IDH2: variants seen among roughly 807,000 people sequenced by gnomAD.
The protein encoded by IDH2 is isocitrate dehydrogenase [NADP], mitochondrial.
IDH2 carries 18 observed loss-of-function variants against 50.5 expected under a neutral mutation model. The ratio of observed to expected loss-of-function variants is 0.36; its 90% confidence interval spans 0.25 to 0.53. The LOEUF (loss-of-function observed/expected upper bound fraction) is 0.53, where lower values mean the gene tolerates loss of function less well. IDH2 is among the 20% of genes least tolerant of loss of function. The pLI, the probability that IDH2 is intolerant of heterozygous loss-of-function variation, is 0.92. For synonymous variants in IDH2, 280 were observed against 239.8 expected (o/e 1.17, Z -1.55); for missense variants, 518 against 610.7 (o/e 0.85, Z 1.60).
At chr15:90,101,891 G>C (rs998517347) in intron 1 of IDH2, among the ~76,000 whole-genome samples, 1 of 151,874 alleles carries the variant, frequency 6.6e-6, no homozygotes, top group East Asian at 1.9e-4. Flanking sequence ...GAGCGCGCGG[G>C]GTGCTCCAGC....
intron 1 of IDH2, among the ~76,000 whole-genome samples, 176 bp downstream of exon 1, chr15:90,102,100 C>A (rs960213216): frequency 6.6e-6 from 1 of 151,858 alleles, no homozygotes; most frequent in African/African-American, 2.4e-5. Context: ...CTGGCACGGC[C>A]GGGAAGCGCC....
intron 5 of IDH2, 152 bp from the exon 6 acceptor site, chr15:90,087,727 T>A (rs891660848): frequency 5.0e-6 from 4 of 795,940 alleles, no homozygotes; most frequent in Non-Finnish European, 8.4e-6. Flanking sequence ...GTGCACACGA[T>A]GTTTCTGCTG....
At chr15:90,099,621 A>T (rs1036689013) in intron 1 of IDH2, among the ~76,000 whole-genome samples, 4 of 152,000 alleles carry the variant, frequency 2.6e-5, no homozygotes, top group Non-Finnish European at 4.4e-5. Context: ...TGCCTGGCTA[A>T]TTTTATTTTT....
chr15:90,102,020 CCGCCCG>C (rs1901346479), intron 1 of IDH2, among the ~76,000 whole-genome samples: 1 of 151,960 alleles, frequency 6.6e-6, no homozygotes, highest in Non-Finnish European at 1.5e-5. Flanking sequence ...CCCCGAGCCC[CCGCCCG>C]CGCAGAGCTG....
Position 90,102,339 on chromosome 15 carries a change from G to A in IDH2, c.52C>T (p.Arg18Trp), listed in dbSNP as rs769572350. 5.1e-6 allele frequency: 7 copies of A among 1,366,632 alleles called. No homozygotes were observed. Among genetic ancestry groups the A allele is most frequent in the South Asian group, 1.6e-5 (1 of 63,306 alleles). 84.7% of individuals were successfully genotyped at this position (1,366,632 alleles called of 1,614,324 possible). A position where few individuals can be genotyped will look rare whatever the true frequency, so the allele number is the denominator to read the frequency against. ...VRSLCRASGSRPAWAPAALTA... is the reference protein window; with the variant it reads ...VRSLCRASGSWPAWAPAALTA... ...AGGGCCGCCGGCGCCCAGGCCGGCCGCGAGCCTGAGGCTCTGCAGAGCGAG... is the reference window on the plus strand; with the variant it reads ...AGGGCCGCCGGCGCCCAGGCCGGCCACGAGCCTGAGGCTCTGCAGAGCGAG... The change falls in exon 1 of 11, where the codon CGG (arginine) becomes TGG (tryptophan). Residue 18 changes from arginine (R) to tryptophan (W), a missense_variant. Arg to Trp is a moderately radical substitution (Grantham distance 101). Around this residue, in one of 5 missense-constraint regions of IDH2, gnomAD observed 85 missense variants for 66.9 expected, o/e 1.27. Coordinates refer to ENST00000330062, the MANE Select transcript of IDH2 (RefSeq NM_002168.4).
chr15:90,100,189 G>T lies in IDH2; in HGVS notation c.115+2087C>A, dbSNP rs1167868963. On this transcript the variant is annotated intron_variant, in intron 1 of 10. Transcript: ENST00000330062. This position sits in a 1 kb window ranked among gnomAD's most constrained non-coding sequence, Gnocchi z 4.1. The stretch of plus-strand genomic sequence containing the variant: ...TACAGTGTACTAATATTTGCAATCT[G>T]CTGGTATTTTTAACATGGGTTTACA... Among the ~76,000 whole-genome samples, 4 of 152,162 alleles carry T rather than the reference G, an allele frequency of 2.6e-5. No homozygotes were observed. Among genetic ancestry groups the T allele is most frequent in the Non-Finnish European group, 5.9e-5 (4 of 68,028 alleles).
chr15:90,094,362 C>A (rs1022393533), intron 1 of IDH2, among the ~76,000 whole-genome samples: 2 of 152,222 alleles, frequency 1.3e-5, no homozygotes, highest in Non-Finnish European at 2.9e-5. Context: ...TGCTCCTCTG[C>A]CCACAGCCTG....
At position 90,084,847 on chromosome 15, in the gene IDH2, C is replaced by A; in HGVS notation, c.1240G>T (p.Asp414Tyr). 1 of 1,614,070 alleles carries A rather than the reference C, an allele frequency of 6.2e-7. No individual in the cohort carries two copies. The highest frequency in any genetic ancestry group is 8.5e-7 in the Non-Finnish European group (1 of 1,180,022). Reference protein sequence around the residue: ...ETVESGAMTKDLAGCIHGLSN... With the variant: ...ETVESGAMTKYLAGCIHGLSN... ...AGGCCGTGAATGCAGCCCGCCAGGT[C>A]CTTGGTCATGGCTCCACTCTCCACC... The change falls in exon 10 of 11, where the codon GAC becomes TAC. Residue 414 changes from aspartate (D) to tyrosine (Y), a missense_variant. Asp to Tyr is a radical substitution (Grantham distance 160). Coordinates refer to ENST00000330062, the MANE Select transcript of IDH2 (RefSeq NM_002168.4). The surrounding 1 kb of genome is among the most constrained non-coding windows in gnomAD (Gnocchi z 5.0).
intron 1 of IDH2, among the ~76,000 whole-genome samples, chr15:90,092,816 G>T (rs938446301): frequency 6.6e-6 from 1 of 152,156 alleles, no homozygotes; most frequent in Non-Finnish European, 1.5e-5. Context: ...GACCTCAAGT[G>T]ATCCACCTGC....
At chr15:90,090,981 A>G (rs1176570740) in intron 2 of IDH2, among the ~76,000 whole-genome samples, 1 of 152,186 alleles carries the variant, frequency 6.6e-6, no homozygotes, top group Non-Finnish European at 1.5e-5. Flanking sequence ...TCTCTATACA[A>G]CTGGTTTCCT....
chr15:90,088,512 C>G lies in IDH2; in HGVS notation c.535-10G>C, dbSNP rs1234019057. ...AGTCTGTGGCCTTGTACTGCAGAGA[C>G]AAGAGGATGGCTAGGCGAGGAGCTC... On this transcript the variant is annotated splice_polypyrimidine_tract_variant and intron_variant, in intron 4 of 10. Transcript: ENST00000330062. 1.2e-6 allele frequency: 2 copies of G among 1,614,222 alleles called. No homozygotes were observed. The highest frequency in any genetic ancestry group is 1.7e-5 in the Admixed American group (1 of 60,014).
rs748311311 is a variant in IDH2, at chr15:90,084,908, C to A, written c.1179G>T (p.Arg393Ser). 1 of 1,614,040 alleles carries A rather than the reference C, an allele frequency of 6.2e-7. No individual in the cohort carries two copies. The highest frequency in any genetic ancestry group is 1.3e-5 in the African/African-American group (1 of 75,030). The change falls in exon 10 of 11, where the codon AGG (arginine) becomes AGT (serine). Residue 393 changes from arginine (R) to serine (S), a missense_variant and splice_region_variant. Arg to Ser is a moderately radical substitution (Grantham distance 110). This residue lies in a region of IDH2 where 135 missense variants were observed against 167.6 expected (regional missense o/e 0.81). Transcript: ENST00000330062. The surrounding 1 kb of genome is among the most constrained non-coding windows in gnomAD (Gnocchi z 5.0). ...ACACCTTCTCCAGCATCTGGGCAAACCTATGGGGATGGGGCAGAATGAGAC... is the reference window on the plus strand; with the variant it reads ...ACACCTTCTCCAGCATCTGGGCAAAACTATGGGGATGGGGCAGAATGAGAC... Reference protein sequence around the residue: ...GKLDGNQDLIRFAQMLEKVCV... With the variant: ...GKLDGNQDLISFAQMLEKVCV...
At chr15:90,090,416 TGGAGAGGCCGGTG>T (rs1225567855) in intron 3 of IDH2, 50 bp downstream of exon 3, 3 of 1,573,614 alleles carry the variant, frequency 1.9e-6, no homozygotes, top group Non-Finnish European at 2.6e-6. Flanking sequence ...ACCCCAAGTC[TGGAGAGGCCGGTG>T]GGAGAAGCCT....
intron 1 of IDH2, among the ~76,000 whole-genome samples, chr15:90,094,493 T>G (rs1901129466): frequency 1.3e-5 from 2 of 152,204 alleles, no homozygotes; most frequent in African/African-American, 4.8e-5. Flanking sequence ...TCAGCCTCAC[T>G]TACAGCCCAA....
At chr15:90,102,170 C>T (rs2151557882) in intron 1 of IDH2, 106 bp downstream of exon 1, 1 of 414,836 alleles carries the variant, frequency 2.4e-6, no homozygotes, top group East Asian at 4.3e-5. Flanking sequence ...ACCCCGCCGT[C>T]CCCGGGCTGC....
chr15:90,085,144 G>A lies in IDH2; in HGVS notation c.1081-46C>T, dbSNP rs764320528. 1.3e-6 allele frequency: 2 copies of A among 1,587,448 alleles called. No individual in the cohort carries two copies. Among genetic ancestry groups the A allele is most frequent in the Admixed American group, 1.7e-5 (1 of 59,922 alleles). On this transcript the variant is annotated intron_variant, in intron 8 of 10. Coordinates refer to ENST00000330062, the MANE Select transcript of IDH2 (RefSeq NM_002168.4). The surrounding 1 kb of genome is among the most constrained non-coding windows in gnomAD (Gnocchi z 5.5). ...GAGATCAAGAGCCGAGCCAGCTAGTGAGGAGGCTGCCCAGATACAGCTGCC... is the reference window on the plus strand; with the variant it reads ...GAGATCAAGAGCCGAGCCAGCTAGTAAGGAGGCTGCCCAGATACAGCTGCC...
In IDH2 at chr15:90,084,119, AT is replaced by A; in HGVS notation, c.*146del. The A allele has an allele frequency of 1.5e-6, 1 of 665,294 alleles. No homozygotes were observed. Among genetic ancestry groups the A allele is most frequent in the Non-Finnish European group, 2.7e-6 (1 of 372,312 alleles). The allele number at this position is 665,294 out of a possible 1,614,324, so 41.2% of individuals were successfully genotyped here. A position where few individuals can be genotyped will look rare whatever the true frequency, so the allele number is the denominator to read the frequency against. ...CGTCACCATGAGGGGAAACACACATATGCTTTTAAAAACATCTGGCTTATAA... is the reference window on the plus strand; with the variant it reads ...CGTCACCATGAGGGGAAACACACATAGCTTTTAAAAACATCTGGCTTATAA... On this transcript the variant is annotated 3_prime_UTR_variant, in exon 11 of 11. Transcript: ENST00000330062. This position sits in a 1 kb window ranked among gnomAD's most constrained non-coding sequence, Gnocchi z 5.0.
rs1281116319 is a variant in IDH2, at chr15:90,084,724, G to A, written c.1271+92C>T. ...ATGTCCTGCCCCAGGCCCCCTTGCA[G>A]CTAAGCTGACTCATGAGGGGGACTT... On this transcript the variant is annotated intron_variant, in intron 10 of 10. Transcript: ENST00000330062. This position sits in a 1 kb window ranked among gnomAD's most constrained non-coding sequence, Gnocchi z 5.0. The A allele has an allele frequency of 1.9e-6, 2 of 1,056,100 alleles. No homozygotes were observed. The highest frequency in any genetic ancestry group is 2.9e-6 in the Non-Finnish European group (2 of 683,104). 65.4% of individuals were successfully genotyped at this position (1,056,100 alleles called of 1,614,324 possible). A position where few individuals can be genotyped will look rare whatever the true frequency, so the allele number is the denominator to read the frequency against.
rs545234922 is a variant in IDH2, at chr15:90,083,825, T to C, written c.*441A>G. ...AACTCCGCAGTGGGCCCCTGTGGAA[T>C]GCGGGCTCCCAGGGCTGCCTGGTCC... On this transcript the variant is annotated 3_prime_UTR_variant, in exon 11 of 11. Coordinates refer to ENST00000330062, the MANE Select transcript of IDH2 (RefSeq NM_002168.4). The C allele has an allele frequency of 2.1e-4, 58 of 274,884 alleles. 1 individual carries two copies. In the South Asian group the frequency reaches 3.6e-3, roughly 17 times the overall value. 17.0% of individuals were successfully genotyped at this position (274,884 alleles called of 1,614,324 possible).
Sources: gnomAD v4.1 joint callset for allele counts (sites outside exome capture counted in the v4.1 genomes callset) on GRCh38, gnomAD v4.1.1 for gene constraint, gnomAD v4.1.1 regional missense constraint, Gnocchi (gnomAD v3.1) non-coding constraint, MANE v1.5 for transcripts, NCBI Gene and HGNC (gene_info 2026-07-23, HGNC 2026-07-21) for gene names.